The following IGF1R variants were observed in gnomAD, a reference collection of about 807,000 sequenced individuals.
IGF1R encodes insulin-like growth factor 1 receptor.
In IGF1R, 44 loss-of-function variants were observed where a neutral mutation model predicts 144.6. The observed-to-expected ratio is 0.30, with a 90% CI of 0.24 to 0.39. IGF1R has a LOEUF of 0.39. Ranked by LOEUF, IGF1R falls within the 10% of genes least tolerant of loss-of-function variation. The probability of loss-of-function intolerance (pLI) is 1.00; values close to 1 mark genes in which losing one functional copy is unlikely to be tolerated. For synonymous variants in IGF1R, 795 were observed against 722.8 expected, an observed-to-expected ratio of 1.10 and a Z score of -1.60; for missense variants, 1,355 against 1,833.7, an observed-to-expected ratio of 0.74 and a Z score of 4.77.
chr15:98,710,478 G>A (rs1343922316), intron 2 of IGF1R, among the ~76,000 whole-genome samples: 1 of 151,974 alleles, frequency 6.6e-6, no homozygotes, highest in Admixed American at 6.6e-5. Flanking sequence ...TTGAACTGTG[G>A]CTTGTCCGAA....
chr15:98,667,713 G>C (rs1020243526), intron 1 of IGF1R, among the ~76,000 whole-genome samples: 1 of 152,140 alleles, frequency 6.6e-6, no homozygotes, highest in South Asian at 2.1e-4. Flanking sequence ...TGTCCCGCCC[G>C]GGGGAGTGGC....
chr15:98,823,102 G>A (rs1312201346), intron 2 of IGF1R, among the ~76,000 whole-genome samples: 2 of 152,166 alleles, frequency 1.3e-5, no homozygotes, highest in Admixed American at 1.3e-4. Context: ...CACCATTGTG[G>A]TGTTGATTGA....
At chr15:98,688,418 G>C (rs926630230) in intron 1 of IGF1R, among the ~76,000 whole-genome samples, 35 of 67,404 alleles carry the variant, frequency 5.2e-4, no homozygotes, top group Non-Finnish European at 7.3e-4. Context: ...ACACACCTGT[G>C]TGTGTGTGTG....
intron 2 of IGF1R, among the ~76,000 whole-genome samples, chr15:98,808,069 GTTGTTTGGGAA>G (rs1340242803): frequency 6.6e-6 from 1 of 152,196 alleles, no homozygotes; most frequent in African/African-American, 2.4e-5. Context: ...CCACATCCAT[GTTGTTTGGGAA>G]TTGTTTGGGA....
At chr15:98,871,033 C>T (rs1338256140) in intron 2 of IGF1R, among the ~76,000 whole-genome samples, 6 of 152,350 alleles carry the variant, frequency 3.9e-5, no homozygotes, top group African/African-American at 1.2e-4. Context: ...AGGAGCTGGC[C>T]CAGGGCGCGC....
At chr15:98,810,794 C>A (rs576816021) in intron 2 of IGF1R, among the ~76,000 whole-genome samples, 1 of 151,346 alleles carries the variant, frequency 6.6e-6, no homozygotes, top group Non-Finnish European at 1.5e-5. Context: ...GTGATCCGCC[C>A]GCCTCGGCCT....
intron 1 of IGF1R, among the ~76,000 whole-genome samples, chr15:98,690,500 T>C (rs1481004312): frequency 6.6e-6 from 1 of 152,252 alleles, no homozygotes; most frequent in Non-Finnish European, 1.5e-5. Flanking sequence ...AAAAATGCTA[T>C]TCTTAGCCAT....
chr15:98,752,581 G>A (rs796757288), intron 2 of IGF1R, among the ~76,000 whole-genome samples: 4 of 152,152 alleles, frequency 2.6e-5, no homozygotes, highest in African/African-American at 9.6e-5. Flanking sequence ...TACTCTGGAC[G>A]CTGAGGCAGG....
chr15:98,805,503 G>GGTAT (rs2056451917), intron 2 of IGF1R, among the ~76,000 whole-genome samples: 2 of 150,058 alleles, frequency 1.3e-5, no homozygotes, highest in African/African-American at 4.9e-5. Context: ...GTGTGTGTAT[G>GGTAT]GTGTGTGTGT....
chr15:98,659,334 G>T (rs925635361), intron 1 of IGF1R, among the ~76,000 whole-genome samples: 9 of 151,524 alleles, frequency 5.9e-5, no homozygotes, highest in Non-Finnish European at 8.8e-5. Context: ...ATTGTCATTT[G>T]TCAATTTCTG....
chr15:98,882,204 C>G (rs2013419552), intron 2 of IGF1R, among the ~76,000 whole-genome samples: 1 of 152,208 alleles, frequency 6.6e-6, no homozygotes, highest in South Asian at 2.1e-4. Context: ...GAAGCCGTGA[C>G]CGTCATCTTG....
At chr15:98,955,560 G>A (rs1483515605) in intron 20 of IGF1R, among the ~76,000 whole-genome samples, 2 of 152,230 alleles carry the variant, frequency 1.3e-5, no homozygotes, top group East Asian at 1.9e-4. Flanking sequence ...CTGTGGAGAC[G>A]CAGGCCCCCG....
At chr15:98,832,564 T>C (rs895802196) in intron 2 of IGF1R, among the ~76,000 whole-genome samples, 1 of 152,236 alleles carries the variant, frequency 6.6e-6, no homozygotes, top group South Asian at 2.1e-4. Context: ...TTTACAGATA[T>C]ATTCACAAGT....
chr15:98,835,100 CA>C (rs770163266), intron 2 of IGF1R, among the ~76,000 whole-genome samples: 5 of 150,588 alleles, frequency 3.3e-5, no homozygotes, highest in Non-Finnish European at 5.9e-5. Context: ...CACACACACA[CA>C]CACACACACC....
intron 1 of IGF1R, among the ~76,000 whole-genome samples, chr15:98,650,065 G>T (rs1158587353): frequency 6.8e-6 from 1 of 146,944 alleles, no homozygotes; most frequent in Admixed American, 6.7e-5. Flanking sequence ...TCCGCACACA[G>T]CGCTGATCCC....
intron 10 of IGF1R, 125 bp downstream of exon 10, chr15:98,917,001 C>T (rs759445440): frequency 1.8e-5 from 15 of 822,138 alleles, no homozygotes; most frequent in Admixed American, 5.9e-5. Flanking sequence ...GCCACTGAGA[C>T]GGAGCCGAAA....
intron 2 of IGF1R, among the ~76,000 whole-genome samples, chr15:98,764,796 A>T (rs1024652162): frequency 3.9e-5 from 6 of 152,180 alleles, no homozygotes; most frequent in African/African-American, 1.2e-4. Context: ...TGTTTAAAAA[A>T]TTTTTTTATA....
intron 5 of IGF1R, among the ~76,000 whole-genome samples, chr15:98,902,048 C>T (rs991776075): frequency 1.3e-5 from 2 of 152,056 alleles, no homozygotes; most frequent in Admixed American, 1.3e-4. Flanking sequence ...TTTCGGTGTG[C>T]TTTTGGTTTA....
intron 2 of IGF1R, among the ~76,000 whole-genome samples, chr15:98,780,688 T>C (rs2055841957): frequency 6.6e-6 from 1 of 152,046 alleles, no homozygotes; most frequent in African/African-American, 2.4e-5. Context: ...ATTAACATAC[T>C]AATTATAAAT....
Sources: allele counts gnomAD v4.1 joint callset (sites outside exome capture counted in the v4.1 genomes callset), GRCh38; gene constraint gnomAD v4.1.1; transcripts MANE v1.5; gene names NCBI Gene and HGNC (gene_info 2026-07-23, HGNC 2026-07-21).